Variants in INTS9 observed in about 807,000 individuals in gnomAD.
INTS9 encodes protein related to CPSF subunits of 74 kDa.
In INTS9, 55 loss-of-function variants were observed where a neutral mutation model predicts 79.7. The observed-to-expected ratio is 0.69, with a 90% CI of 0.56 to 0.86. INTS9 has a LOEUF of 0.86. Ranked by LOEUF, INTS9 falls within the 40% of genes least tolerant of loss-of-function variation. INTS9 has a pLI of 0.00. For missense variants in INTS9, 721 were observed against 831.5 expected (o/e 0.87, Z 1.64); for synonymous variants, 319 against 325.2 (o/e 0.98, Z 0.20).
At chr8:28,840,967 A>G (rs1240139629) in intron 4 of INTS9, among the ~76,000 whole-genome samples, 2 of 151,884 alleles carry the variant, frequency 1.3e-5, no homozygotes, top group Admixed American at 6.6e-5. Context: ...AGTAAAAAAA[A>G]AAAGAAAGAA....
At chr8:28,808,739 A>T (rs1473105722) in intron 8 of INTS9, among the ~76,000 whole-genome samples, 1 of 152,212 alleles carries the variant, frequency 6.6e-6, no homozygotes, top group Non-Finnish European at 1.5e-5. Flanking sequence ...TGGGCATTCA[A>T]CAAATGTTTC....
chr8:28,837,410 C>T (rs1585442057), intron 5 of INTS9, among the ~76,000 whole-genome samples: 1 of 152,270 alleles, frequency 6.6e-6, no homozygotes, highest in African/African-American at 2.4e-5. Flanking sequence ...GAACTCCTTC[C>T]AATTAATTTA....
At chr8:28,829,953 C>G (rs934849372) in intron 6 of INTS9, among the ~76,000 whole-genome samples, 2 of 152,068 alleles carry the variant, frequency 1.3e-5, no homozygotes, top group African/African-American at 4.8e-5. Flanking sequence ...TTTCCACCAG[C>G]CCATCTCACT....
intron 16 of INTS9, among the ~76,000 whole-genome samples, chr8:28,768,929 C>G (rs1021595756): frequency 6.6e-6 from 1 of 152,224 alleles, no homozygotes; most frequent in Non-Finnish European, 1.5e-5. Flanking sequence ...CAGGTGCTTG[C>G]TCCTTCTGCA....
chr8:28,768,220 T>C lies in INTS9; in HGVS notation c.1903A>G (p.Ile635Val). The part of the protein sequence containing the change: ...LIQIEEDSTH[I>V]ICDNDEMLRV... ...AGCATCTCGTCATTGTCGCAGATGA[T>C]ATGGGTCGAGTCTTCTTCAATCTGG... Residue 635 changes from isoleucine (I) to valine (V), a missense_variant, in exon 17 of 17, where the codon ATC becomes GTC. Physicochemically the swap from Ile to Val is conservative, Grantham distance 29. Around this residue, in one of 3 missense-constraint regions of INTS9, gnomAD observed 281 missense variants for 300.8 expected, o/e 0.93. Transcript: ENST00000521022. The C allele has an allele frequency of 1.2e-6, 2 of 1,614,164 alleles. No individual in the cohort carries two copies. The highest frequency in any genetic ancestry group is 1.7e-6 in the Non-Finnish European group (2 of 1,180,032).
chr8:28,845,847 A>G (rs189990305), intron 4 of INTS9, among the ~76,000 whole-genome samples: 125 of 152,158 alleles, frequency 8.2e-4, no homozygotes, highest in Non-Finnish European at 1.9e-4. Flanking sequence ...TTCTTTTTCT[A>G]TTTGCTCTGG....
At chr8:28,827,674 C>T (rs1477803257) in intron 6 of INTS9, among the ~76,000 whole-genome samples, 2 of 152,104 alleles carry the variant, frequency 1.3e-5, no homozygotes, top group Non-Finnish European at 2.9e-5. Context: ...TAGGTTACAA[C>T]CCCTGATGTT....
intron 12 of INTS9, among the ~76,000 whole-genome samples, chr8:28,778,663 C>A (rs1246241780): frequency 6.6e-6 from 1 of 152,190 alleles, no homozygotes; most frequent in Non-Finnish European, 1.5e-5. Context: ...AGGGAACATT[C>A]CCCCAACTCG....
Position 28,796,642 on chromosome 8 carries a change from G to A in INTS9, c.758C>T (p.Ala253Val), listed in dbSNP as rs1804231381. Reference sequence around the variant, plus strand: ...AAGAACATCGCTGTTTTTGAGAGAAGCTTGGTCCATGGGCTGAAAAAGAAC... The same window carrying A: ...AAGAACATCGCTGTTTTTGAGAGAAACTTGGTCCATGGGCTGAAAAAGAAC... ...LTTHPQPMDQ[A>V]SLKNSDVLVL... is the part of the protein sequence containing the mutation. Residue 253 changes from alanine (A) to valine (V), a missense_variant, in exon 9 of 17, where the codon GCT becomes GTT. Physicochemically the swap from Ala to Val is moderately conservative, Grantham distance 64. This residue lies in a region of INTS9 where 291 missense variants were observed against 307.0 expected (regional missense o/e 0.95). Coordinates refer to ENST00000521022, the MANE Select transcript of INTS9 (RefSeq NM_018250.4). 1 of 1,612,222 alleles carries A rather than the reference G, an allele frequency of 6.2e-7. No homozygotes were observed. Among genetic ancestry groups the A allele is most frequent in the Non-Finnish European group, 8.5e-7 (1 of 1,178,264 alleles).
At chr8:28,800,880 G>T (rs1043648079) in intron 8 of INTS9, among the ~76,000 whole-genome samples, 1 of 152,174 alleles carries the variant, frequency 6.6e-6, no homozygotes, top group Non-Finnish European at 1.5e-5. Context: ...GAAATATTCT[G>T]CAGAGAGAAG....
intron 15 of INTS9, 128 bp downstream of exon 15, chr8:28,770,854 G>T: frequency 1.4e-6 from 1 of 725,808 alleles, no homozygotes; most frequent in Non-Finnish European, 2.3e-6. Context: ...CCTCTCTGAG[G>T]CACATGGCCA....
chr8:28,768,700 C>A (rs1209604713), intron 16 of INTS9, among the ~76,000 whole-genome samples: 1 of 152,222 alleles, frequency 6.6e-6, no homozygotes, highest in African/African-American at 2.4e-5. Context: ...CACCAAGATA[C>A]CCCTGTGGGA....
rs1178860642 is a variant in INTS9, at chr8:28,859,640, T to C, written c.10-77A>G. On this transcript the variant is annotated intron_variant, in intron 1 of 16. Transcript: ENST00000521022. Reference sequence around the variant, plus strand: ...CAAAGTAAAGTGAATTAAATAACTCTGACGATCTTCTCTCATAAGACCAGC... The same window carrying C: ...CAAAGTAAAGTGAATTAAATAACTCCGACGATCTTCTCTCATAAGACCAGC... The C allele has an allele frequency of 4.1e-6, 6 of 1,477,970 alleles. No homozygotes were observed. In the Admixed American group the frequency reaches 5.2e-5, roughly 13 times the overall value. 91.6% of individuals were successfully genotyped at this position (1,477,970 alleles called of 1,614,324 possible).
chr8:28,786,065 T>C (rs1393734844), intron 11 of INTS9, among the ~76,000 whole-genome samples: 1 of 152,186 alleles, frequency 6.6e-6, no homozygotes, highest in Non-Finnish European at 1.5e-5. Flanking sequence ...ATCAGTTTAT[T>C]GTGTTTTTGA....
intron 4 of INTS9, among the ~76,000 whole-genome samples, chr8:28,838,917 C>T (rs548977203): frequency 1.8e-4 from 28 of 152,292 alleles, no homozygotes; most frequent in African/African-American, 6.0e-4. Flanking sequence ...CCTGTGGCAG[C>T]CAGTACCTAA....
At chr8:28,830,016 T>G (rs546712592) in intron 6 of INTS9, among the ~76,000 whole-genome samples, 138 of 151,324 alleles carry the variant, frequency 9.1e-4, no homozygotes, top group African/African-American at 3.2e-3. Context: ...TGATCCCTAC[T>G]TTGGAAGACC....
intron 8 of INTS9, 50 bp from the exon 9 acceptor site, chr8:28,796,705 C>G (rs1411590048): frequency 9.1e-7 from 1 of 1,096,820 alleles, no homozygotes; most frequent in African/African-American, 1.5e-5. Flanking sequence ...GGAACATTAC[C>G]TACAAATAGT....
intron 2 of INTS9, among the ~76,000 whole-genome samples, chr8:28,858,423 C>A (rs1808288050): frequency 6.6e-6 from 1 of 152,110 alleles, no homozygotes; most frequent in Non-Finnish European, 1.5e-5. Context: ...TAATATCAGG[C>A]CATTTTATTA....
Position 28,775,788 on chromosome 8 carries a change from G to T in INTS9, c.1534C>A (p.Arg512=), listed in dbSNP as rs368126287. The T allele has an allele frequency of 6.2e-7, 1 of 1,613,904 alleles. No homozygotes were observed. Among genetic ancestry groups the T allele is most frequent in the African/African-American group, 1.3e-5 (1 of 74,918 alleles). ...GGCATGATCTCGATCTTCTCGTACC[G>T]ACGTTTGAAGGGCAGGGCGAGAACC... The part of the protein sequence containing the change: ...AEVLALPFKR[R]YEKIEIMPEL... The change falls in exon 14 of 17, where the codon CGG becomes AGG. Residue 512 remains arginine, a synonymous_variant. Transcript: ENST00000521022.
Sources: gnomAD v4.1 joint callset for allele counts (sites outside exome capture counted in the v4.1 genomes callset) on GRCh38, gnomAD v4.1.1 for gene constraint, gnomAD v4.1.1 regional missense constraint, MANE v1.5 for transcripts, NCBI Gene and HGNC (gene_info 2026-07-23, HGNC 2026-07-21) for gene names.